Variants in ANKRD27 observed in about 807,000 individuals in gnomAD.
ANKRD27 encodes ankyrin repeat domain 27.
Under a neutral mutation model 129.7 loss-of-function variants are expected in ANKRD27, and 112 were observed. That is an observed-to-expected ratio of 0.86 (90% confidence interval 0.74 to 1.01). The LOEUF is 1.01. Ranked by LOEUF, ANKRD27 falls within the 50% of genes least tolerant of loss-of-function variation. The probability of loss-of-function intolerance (pLI) is 0.00; values close to 1 mark genes in which losing one functional copy is unlikely to be tolerated. For synonymous variants in ANKRD27, 516 were observed against 511.2 expected, an observed-to-expected ratio of 1.01 and a Z score of -0.13; for missense variants, 1,258 against 1,300.5, an observed-to-expected ratio of 0.97 and a Z score of 0.50.
intron 1 of ANKRD27, among the ~76,000 whole-genome samples, chr19:32,660,293 C>T (rs1371091713): frequency 6.6e-6 from 1 of 152,178 alleles, no homozygotes; most frequent in African/African-American, 2.4e-5. Context: ...GCCTGTAATC[C>T]TCCCTTTGGG....
At position 32,643,210 on chromosome 19, in the gene ANKRD27, A is replaced by AT. The variant is rs1293933772; in HGVS notation, c.706-12dup. 3.1e-6 allele frequency: 5 copies of AT among 1,614,102 alleles called. No homozygotes were observed. In the South Asian group the frequency reaches 5.5e-5, roughly 18 times the overall value. ...GTTAAAGGCCGCATCCTAACAACAGATTTTAACGAACCTTCAAATTTCTCA... is the reference window on the plus strand; with the variant it reads ...GTTAAAGGCCGCATCCTAACAACAGATTTTTAACGAACCTTCAAATTTCTCA... On this transcript the variant is annotated splice_polypyrimidine_tract_variant and intron_variant, in intron 8 of 28. Coordinates refer to ENST00000306065, the MANE Select transcript of ANKRD27 (RefSeq NM_032139.3).
rs370150311 is a variant in ANKRD27, at chr19:32,604,503, C to T, written c.2494-79G>A. On this transcript the variant is annotated intron_variant, in intron 24 of 28. Coordinates refer to ENST00000306065, the MANE Select transcript of ANKRD27 (RefSeq NM_032139.3). ...ATCTGGCTGTGGGTATACAGGTATTCGCTATAAAACACATTGTTTTTTTTA... is the reference window on the plus strand; with the variant it reads ...ATCTGGCTGTGGGTATACAGGTATTTGCTATAAAACACATTGTTTTTTTTA... 127 of 1,316,544 alleles carry T rather than the reference C, an allele frequency of 9.6e-5. 2 individuals are homozygous for T. The South Asian group carries it at 1.8e-3, about 19-fold the overall frequency. 81.6% of individuals were successfully genotyped at this position (1,316,544 alleles called of 1,614,324 possible). A position where few individuals can be genotyped will look rare whatever the true frequency, so the allele number is the denominator to read the frequency against.
At position 32,641,764 on chromosome 19, in the gene ANKRD27, C is replaced by CTTTTTTTT. The variant is rs35422369; in HGVS notation, c.904+259_904+260insAAAAAAAA. ...TTTCTTGACTTGTTTTCTTTTACTT[C>CTTTTTTTT]TTCTTTTTTTTTTTTTTTTTTGAGA... On this transcript the variant is annotated intron_variant, in intron 10 of 28. Coordinates refer to ENST00000306065, the MANE Select transcript of ANKRD27 (RefSeq NM_032139.3). Among the ~76,000 whole-genome samples the CTTTTTTTT allele has an allele frequency of 1.4e-4, 11 of 79,720 alleles. 2 individuals are homozygous for CTTTTTTTT. Among genetic ancestry groups the CTTTTTTTT allele is most frequent in the African/African-American group, 2.1e-4 (3 of 14,168 alleles). 52.3% of individuals were successfully genotyped at this position (79,720 alleles called of 152,430 possible).
In ANKRD27 at chr19:32,648,885, G is replaced by A. The variant is rs79414477; in HGVS notation, c.213+797C>T. Reference sequence around the variant, plus strand: ...ATGTGGCAAGAATGTTAACAGCTTGGGGGGAAGCACATTTAAGAGTTTTTT... The same window carrying A: ...ATGTGGCAAGAATGTTAACAGCTTGAGGGGAAGCACATTTAAGAGTTTTTT... On this transcript the variant is annotated intron_variant, in intron 3 of 28. Coordinates refer to ENST00000306065, the MANE Select transcript of ANKRD27 (RefSeq NM_032139.3). 7.6e-3 allele frequency among the ~76,000 whole-genome samples: 1,161 copies of A among 151,892 alleles called. 17 individuals carry two copies. The highest frequency in any genetic ancestry group is 7.4e-3 in the Non-Finnish European group (501 of 67,960).
At chr19:32,648,405 G>C (rs1437282410) in intron 3 of ANKRD27, among the ~76,000 whole-genome samples, 1 of 152,246 alleles carries the variant, frequency 6.6e-6, no homozygotes, top group African/African-American at 2.4e-5. Context: ...TAAATTATCT[G>C]AGTGTGATCA....
intron 22 of ANKRD27, among the ~76,000 whole-genome samples, chr19:32,610,575 T>C (rs1051606755): frequency 2.6e-5 from 4 of 151,764 alleles, no homozygotes; most frequent in Non-Finnish European, 5.9e-5. Flanking sequence ...GCGGATCACT[T>C]GAGGTCAGGA....
At position 32,628,167 on chromosome 19, in the gene ANKRD27, TA is replaced by T. The variant is rs1568405776; in HGVS notation, c.1338-3del. ...ACAACTGAGGGATCATTCAACCTCC[TA>T]AAATACAGAAAGAGATAGAAAACTA... On this transcript the variant is annotated splice_region_variant and splice_polypyrimidine_tract_variant and intron_variant, in intron 14 of 28. Transcript: ENST00000306065. 6.2e-7 allele frequency: 1 copy of T among 1,613,398 alleles called. No individual in the cohort carries two copies. Among genetic ancestry groups the T allele is most frequent in the East Asian group, 2.2e-5 (1 of 44,882 alleles).
intron 17 of ANKRD27, among the ~76,000 whole-genome samples, chr19:32,624,281 C>T (rs1197329556): frequency 4.0e-5 from 6 of 151,516 alleles, no homozygotes; most frequent in African/African-American, 1.2e-4. Flanking sequence ...GCAGGAGAAT[C>T]GCTTGAACCC....
rs556767320 is a variant in ANKRD27, at chr19:32,654,481, T to C, written c.102+4433A>G. Among the ~76,000 whole-genome samples, 19 of 152,306 alleles carry C rather than the reference T, an allele frequency of 1.2e-4. No homozygotes were observed. The South Asian group carries it at 3.5e-3, about 28-fold the overall frequency. The stretch of plus-strand genomic sequence containing the variant: ...TGGAGACCATCGAGATATTCGACTT[T>C]TTCTTTCAATCTATGAACATAGGTA... On this transcript the variant is annotated intron_variant, in intron 2 of 28. Coordinates refer to ENST00000306065, the MANE Select transcript of ANKRD27 (RefSeq NM_032139.3).
intron 14 of ANKRD27, 124 bp downstream of exon 14, chr19:32,628,598 C>T: frequency 1.6e-6 from 2 of 1,264,828 alleles, no homozygotes; most frequent in Non-Finnish European, 2.2e-6. Context: ...CACTGTACAG[C>T]AGAGGCAGCT....
rs1599762012 is a variant in ANKRD27 at position 32,644,611 on chromosome 19, C to G, written c.371-132G>C. 23 of 1,059,858 alleles carry G rather than the reference C, an allele frequency of 2.2e-5. No individual in the cohort carries two copies. In the East Asian group the frequency reaches 5.3e-4, roughly 24 times the overall value. The allele number at this position is 1,059,858 out of a possible 1,614,324, so 65.7% of individuals were successfully genotyped here. A position where few individuals can be genotyped will look rare whatever the true frequency, so the allele number is the denominator to read the frequency against. On this transcript the variant is annotated intron_variant, in intron 4 of 28. Coordinates refer to ENST00000306065, the MANE Select transcript of ANKRD27 (RefSeq NM_032139.3). Reference sequence around the variant, plus strand: ...ATTTCAAGACACTACACAAGAACAGCCCAGTTACAGGACACCCTGGAGTCC... The same window carrying G: ...ATTTCAAGACACTACACAAGAACAGGCCAGTTACAGGACACCCTGGAGTCC...
In ANKRD27 at chr19:32,662,802, G is replaced by C. The variant is rs533476337; in HGVS notation, c.-30-3757C>G. Among the ~76,000 whole-genome samples the C allele has an allele frequency of 2.3e-4, 35 of 152,166 alleles. No homozygotes were observed. In the East Asian group the frequency reaches 6.6e-3, roughly 29 times the overall value. The stretch of plus-strand genomic sequence containing the variant: ...TCACGCCTCTAATCTCAACACTTTG[G>C]GAGGCCTAGGCGGGTGGGTCACTTG... On this transcript the variant is annotated intron_variant, in intron 1 of 28. Transcript: ENST00000306065.
chr19:32,628,778 G>C lies in ANKRD27; in HGVS notation c.1281C>G (p.Val427=), dbSNP rs752873029. Residue 427 remains valine (V), a synonymous_variant, in exon 14 of 29, where the codon GTC becomes GTG. Coordinates refer to ENST00000306065, the MANE Select transcript of ANKRD27 (RefSeq NM_032139.3). ...LSQEDHDKDT[V]QKMCHPLCFC... ...AGCAGAGAGGGTGACACATCTTTTG[G>C]ACGGTATCTTTATCATGGTCCTCTT... 6.2e-7 allele frequency: 1 copy of C among 1,614,132 alleles called. No homozygotes were observed. The highest frequency in any genetic ancestry group is 8.5e-7 in the Non-Finnish European group (1 of 1,180,018).
intron 25 of ANKRD27, among the ~76,000 whole-genome samples, chr19:32,602,404 T>C (rs1971667194): frequency 6.6e-6 from 1 of 151,922 alleles, no homozygotes; most frequent in Non-Finnish European, 1.5e-5. Context: ...CATAATAAGA[T>C]CTACTATCAT....
chr19:32,628,650 C>T, intron 14 of ANKRD27, 72 bp downstream of exon 14: 1 of 1,591,282 alleles, frequency 6.3e-7, no homozygotes, highest in Admixed American at 1.7e-5. Flanking sequence ...TCACACAGCG[C>T]ACAGTGGAGA....
rs554576185 is a variant in ANKRD27 at position 32,619,518 on chromosome 19, G to A, written c.1863C>T (p.Phe621=). The change falls in exon 19 of 29, where the codon TTC becomes TTT. Residue 621 remains phenylalanine (F), a synonymous_variant. Transcript: ENST00000306065. Reference sequence around the variant, plus strand: ...CCTCGGACGACTTCTGCCTCCTCTCGAAGGACAGGTGATAGGCTTCCATTA... The same window carrying A: ...CCTCGGACGACTTCTGCCTCCTCTCAAAGGACAGGTGATAGGCTTCCATTA... The part of the protein sequence containing the change: ...LSVMEAYHLS[F]ERRQKSSEAP... The A allele has an allele frequency of 3.7e-5, 59 of 1,614,084 alleles. No homozygotes were observed. The highest frequency in any genetic ancestry group is 1.5e-4 in the South Asian group (14 of 91,082).
chr19:32,665,321 G>A (rs796121939), intron 1 of ANKRD27, among the ~76,000 whole-genome samples: 15 of 143,614 alleles, frequency 1.0e-4, no homozygotes, highest in African/African-American at 3.1e-4. Context: ...ACAGAGTCTC[G>A]CTCTCTCACC....
chr19:32,662,754 A>C (rs1366324552), intron 1 of ANKRD27, among the ~76,000 whole-genome samples: 2 of 151,718 alleles, frequency 1.3e-5, no homozygotes, highest in Admixed American at 1.3e-4. Context: ...TAAAAAACAA[A>C]AAAAAAGGCC....
intron 18 of ANKRD27, among the ~76,000 whole-genome samples, chr19:32,622,153 T>C (rs1263385699): frequency 6.6e-6 from 1 of 152,122 alleles, no homozygotes; most frequent in Non-Finnish European, 1.5e-5. Context: ...CCCACTCCAT[T>C]TGCCAATAAA....
Sources: gnomAD v4.1 joint callset for allele counts (sites outside exome capture counted in the v4.1 genomes callset) on GRCh38, gnomAD v4.1.1 for gene constraint, MANE v1.5 for transcripts, NCBI Gene and HGNC (gene_info 2026-07-23, HGNC 2026-07-21) for gene names.